RXFP1: variants seen among roughly 807,000 people sequenced by gnomAD.
RXFP1 encodes relaxin receptor 1.
A neutral mutation model predicts 89.8 loss-of-function variants in RXFP1; 73 were observed. The observed-to-expected ratio is 0.81, with a 90% CI of 0.67 to 0.99. The LOEUF is 0.99. Ranked by LOEUF, RXFP1 falls within the 50% of genes least tolerant of loss-of-function variation. The pLI is 0.00. For missense variants in RXFP1, 793 were observed against 895.5 expected (o/e 0.89, Z 1.46); for synonymous variants, 277 against 305.5 (o/e 0.91, Z 0.97).
chr4:158,536,380 C>T (rs1745280503), intron 1 of RXFP1, among the ~76,000 whole-genome samples: 2 of 152,052 alleles, frequency 1.3e-5, no homozygotes, highest in Non-Finnish European at 2.9e-5. Context: ...ATAAATGACA[C>T]CTTAAGAGTA....
chr4:158,608,235 C>G (rs1233784963), intron 6 of RXFP1, among the ~76,000 whole-genome samples, 192 bp downstream of exon 6: 2 of 149,624 alleles, frequency 1.3e-5, no homozygotes, highest in Non-Finnish European at 3.0e-5. Flanking sequence ...GTCCTGATTG[C>G]CTTACTTACT....
chr4:158,561,266 C>A (rs1483608475), intron 1 of RXFP1, among the ~76,000 whole-genome samples: 1 of 152,014 alleles, frequency 6.6e-6, no homozygotes, highest in Admixed American at 6.6e-5. Flanking sequence ...GTGGATTATC[C>A]CTAATCTGAA....
chr4:158,548,553 C>T (rs754289001), intron 1 of RXFP1, among the ~76,000 whole-genome samples: 200 of 152,268 alleles, frequency 1.3e-3, no homozygotes, highest in Non-Finnish European at 2.0e-3. Flanking sequence ...CCTTGATGGT[C>T]TTTACATTTT....
intron 1 of RXFP1, among the ~76,000 whole-genome samples, chr4:158,529,459 C>T (rs1743460842): frequency 1.3e-5 from 2 of 151,934 alleles, no homozygotes; most frequent in Admixed American, 1.3e-4. Context: ...GGAGTTTCAC[C>T]ATGTTGCCCA....
chr4:158,555,392 G>A (rs774139810), intron 1 of RXFP1, among the ~76,000 whole-genome samples: 13 of 152,262 alleles, frequency 8.5e-5, no homozygotes, highest in Middle Eastern at 3.4e-3. Flanking sequence ...ATAACCAGCC[G>A]TAGCATAGTC....
intron 3 of RXFP1, among the ~76,000 whole-genome samples, chr4:158,598,789 A>G (rs1255401633): frequency 2.6e-5 from 4 of 151,890 alleles, no homozygotes; most frequent in Admixed American, 1.3e-4. Flanking sequence ...AAGCCAAAAG[A>G]TTTTTTAAAA....
Position 158,593,400 on chromosome 4 carries a change from G to A in RXFP1, c.188-1G>A, listed in dbSNP as rs1035603177. The A allele has an allele frequency of 1.3e-6, 2 of 1,595,226 alleles. No homozygotes were observed. The highest frequency in any genetic ancestry group is 1.7e-6 in the Non-Finnish European group (2 of 1,165,268). On this transcript the variant is annotated splice_acceptor_variant, in intron 2 of 17. Transcript: ENST00000307765. LOFTEE classifies it high-confidence loss of function. ...TTTTTGTTCTCTGATTTTTATTTTA[G>A]GAGACAACAATGGATGGTCTCTGCA...
intron 1 of RXFP1, among the ~76,000 whole-genome samples, chr4:158,554,789 CAT>C (rs1463054634): frequency 2.6e-5 from 4 of 151,584 alleles, no homozygotes; most frequent in African/African-American, 9.7e-5. Context: ...GGAAATAAGT[CAT>C]AGAGTATAAT....
At chr4:158,607,593 TG>T in intron 5 of RXFP1, among the ~76,000 whole-genome samples, 1 of 152,360 alleles carries the variant, frequency 6.6e-6, no homozygotes, top group South Asian at 2.1e-4. Context: ...GGCTTTACTA[TG>T]TGTTAACATT....
intron 2 of RXFP1, among the ~76,000 whole-genome samples, chr4:158,582,017 G>A (rs1334834400): frequency 1.3e-5 from 2 of 152,124 alleles, no homozygotes; most frequent in Non-Finnish European, 2.9e-5. Context: ...TCTCTTTTGA[G>A]CCAATAGAGT....
At chr4:158,607,071 C>T in intron 5 of RXFP1, 1 of 1,535,854 alleles carries the variant, frequency 6.5e-7, no homozygotes, top group East Asian at 2.4e-5. Flanking sequence ...ACAATGGTGA[C>T]CTGCACTCAG....
chr4:158,614,033 T>A (rs1764047904), intron 8 of RXFP1, among the ~76,000 whole-genome samples: 1 of 152,224 alleles, frequency 6.6e-6, no homozygotes, highest in South Asian at 2.1e-4. Flanking sequence ...CCAGGTGCAT[T>A]GCCAGTGAGC....
At chr4:158,638,421 A>G (rs1228655966) in intron 13 of RXFP1, among the ~76,000 whole-genome samples, 1 of 152,200 alleles carries the variant, frequency 6.6e-6, no homozygotes, top group Non-Finnish European at 1.5e-5. Flanking sequence ...TTTTACCCCA[A>G]GATGGAATAT....
chr4:158,607,699 A>T (rs1345323908), intron 5 of RXFP1, among the ~76,000 whole-genome samples: 1 of 152,216 alleles, frequency 6.6e-6, no homozygotes, highest in Non-Finnish European at 1.5e-5. Context: ...ATTGTACATA[A>T]ATTTAACAGA....
intron 2 of RXFP1, among the ~76,000 whole-genome samples, chr4:158,587,113 T>C (rs1758440738): frequency 6.6e-6 from 1 of 152,044 alleles, no homozygotes. Context: ...GATCCTGAGG[T>C]AGGTGGATGT....
chr4:158,564,619 TA>T (rs1193531826), intron 1 of RXFP1, among the ~76,000 whole-genome samples: 12 of 152,154 alleles, frequency 7.9e-5, no homozygotes, highest in Admixed American at 2.0e-4. Flanking sequence ...GTCAACCACT[TA>T]AAAAAAATTG....
Position 158,614,498 on chromosome 4 carries a change from C to G in RXFP1, c.680+2136C>G, listed in dbSNP as rs148073738. 3.7e-4 allele frequency among the ~76,000 whole-genome samples: 56 copies of G among 152,318 alleles called. No individual in the cohort carries two copies. The Middle Eastern group carries it at 0.01, about 28-fold the overall frequency. ...ACTTCCTGCTTCACTTTGTAATTTT[C>G]TGTTATAGAGACAGCTTCTTTCCTT... On this transcript the variant is annotated intron_variant, in intron 8 of 17. Transcript: ENST00000307765.
At chr4:158,583,080 G>C (rs547123147) in intron 2 of RXFP1, among the ~76,000 whole-genome samples, 19 of 152,206 alleles carry the variant, frequency 1.2e-4, no homozygotes, top group Admixed American at 1.2e-3. Context: ...AGGAATTTAA[G>C]AGAAGGAAAA....
intron 4 of RXFP1, among the ~76,000 whole-genome samples, chr4:158,601,772 T>G (rs1029520490): frequency 1.9e-4 from 29 of 152,188 alleles, no homozygotes; most frequent in Admixed American, 1.9e-3. Flanking sequence ...AAGCTAATAC[T>G]CCAAGTAATG....
Sources: allele counts gnomAD v4.1 joint callset (sites outside exome capture counted in the v4.1 genomes callset), GRCh38; gene constraint gnomAD v4.1.1; transcripts MANE v1.5; gene names NCBI Gene and HGNC (gene_info 2026-07-23, HGNC 2026-07-21).